The following FBXO34 variants were observed in gnomAD, a reference collection of about 807,000 sequenced individuals.
FBXO34 encodes F-box only protein 34.
A neutral mutation model predicts 24.5 loss-of-function variants in FBXO34; 12 were observed. The observed-to-expected ratio is 0.49, with a 90% confidence interval of 0.31 to 0.79. The LOEUF is 0.79. Among genes scored for constraint, FBXO34 ranks in the 30% least tolerant of loss-of-function variants. The probability of loss-of-function intolerance (pLI) is 0.04; values close to 1 mark genes in which losing one functional copy is unlikely to be tolerated. For synonymous variants in FBXO34, 320 were observed against 311.9 expected, an observed-to-expected ratio of 1.03 and a Z score of -0.27; for missense variants, 823 against 857.7, an observed-to-expected ratio of 0.96 and a Z score of 0.51.
At chr14:55,430,153 A>C in the FBXO34 span, among the ~76,000 whole-genome samples, 5 of 152,136 alleles carry the variant, frequency 3.3e-5, no homozygotes, top group African/African-American at 1.2e-4. Flanking sequence ...TGACAAAACA[A>C]AACAGTAGGT....
the FBXO34 span, chr14:55,433,774 C>T: frequency 2.6e-4 from 393 of 1,527,798 alleles, 2 homozygotes; most frequent in African/African-American, 4.5e-3. Context: ...TAACATTATC[C>T]CAGTTGAAAA....
chr14:55,393,119 C>T, the FBXO34 span, among the ~76,000 whole-genome samples: 141 of 152,214 alleles, frequency 9.3e-4, 1 homozygote, highest in African/African-American at 2.8e-3. Flanking sequence ...CGGTGGCTCA[C>T]GCCTGTAATC....
chr14:55,361,719 CT>C (rs879350525), intron 3 of FBXO34: 2 of 152,356 alleles, frequency 1.3e-5, no homozygotes, highest in Admixed American at 6.5e-5. Flanking sequence ...TTCTCTTACA[CT>C]TTTATGTTAC....
Position 55,331,701 on chromosome 14 carries a change from ATATG to A in FBXO34, c.-10-18676_-10-18673del, listed in dbSNP as rs1192389885. ...TATATATATGTGTATATATATATAT[ATATG>A]TATATATATATGTATATATATATGT... On this transcript the variant is annotated intron_variant, in intron 1 of 1. Coordinates refer to ENST00000313833, the MANE Select transcript of FBXO34 (RefSeq NM_017943.4). 2.1e-4 allele frequency among the ~76,000 whole-genome samples: 14 copies of A among 66,732 alleles called. 2 individuals are homozygous for A. The South Asian group carries it at 2.9e-3, about 14-fold the overall frequency. The allele number at this position is 66,732 out of a possible 152,430, so 43.8% of individuals were successfully genotyped here.
At chr14:55,278,791 ATCT>A (rs779000496) in intron 1 of FBXO34, among the ~76,000 whole-genome samples, 6 of 152,218 alleles carry the variant, frequency 3.9e-5, no homozygotes, top group Non-Finnish European at 7.4e-5. Flanking sequence ...GGCTCAAGTG[ATCT>A]TCTCACCTCA....
At chr14:55,391,038 G>A in the FBXO34 span, 1 of 1,322,120 alleles carries the variant, frequency 7.6e-7, no homozygotes, top group East Asian at 2.4e-5. Context: ...GTCTCTTATG[G>A]TTAATATGAT....
At chr14:55,414,646 A>C in the FBXO34 span, among the ~76,000 whole-genome samples, 1 of 152,240 alleles carries the variant, frequency 6.6e-6, no homozygotes, top group Non-Finnish European at 1.5e-5. Flanking sequence ...CAGAAACCTT[A>C]GAGCAGAGTT....
the FBXO34 span, among the ~76,000 whole-genome samples, chr14:55,426,722 A>AAAAAG: frequency 6.6e-6 from 1 of 150,550 alleles, no homozygotes; most frequent in Non-Finnish European, 1.5e-5. Flanking sequence ...TTAAAAAAAA[A>AAAAAG]AAAAGAAAAG....
intron 1 of FBXO34, among the ~76,000 whole-genome samples, chr14:55,331,699 A>ATGTG (rs1170993911): frequency 4.5e-5 from 3 of 66,696 alleles, no homozygotes; most frequent in East Asian, 7.7e-4. Context: ...ATATATATAT[A>ATGTG]TATATGTATA....
At chr14:55,442,091 G>C in the FBXO34 span, among the ~76,000 whole-genome samples, 2 of 151,082 alleles carry the variant, frequency 1.3e-5, no homozygotes, top group Middle Eastern at 3.2e-3. Flanking sequence ...TGTAAGATAC[G>C]TAAAAATGTA....
chr14:55,322,785 G>A (rs1178029352), intron 1 of FBXO34, among the ~76,000 whole-genome samples: 1 of 151,956 alleles, frequency 6.6e-6, no homozygotes, highest in Admixed American at 6.6e-5. Context: ...TAGGAAGGAG[G>A]AGTTACCCAA....
chr14:55,373,855 C>T (rs1396802789), downstream of FBXO34, among the ~76,000 whole-genome samples: 2 of 151,912 alleles, frequency 1.3e-5, no homozygotes, highest in Non-Finnish European at 1.5e-5. Flanking sequence ...TCAGTTGTGC[C>T]GGTCTGAACA....
At chr14:55,376,407 G>A in the FBXO34 span, among the ~76,000 whole-genome samples, 3 of 152,180 alleles carry the variant, frequency 2.0e-5, no homozygotes, top group Non-Finnish European at 4.4e-5. Flanking sequence ...TAATGTTCAC[G>A]TTTCCATGGC....
chr14:55,298,969 A>G (rs564618098), intron 1 of FBXO34: 2 of 1,600,600 alleles, frequency 1.2e-6, no homozygotes, highest in East Asian at 4.5e-5. Context: ...GCGGCCCACG[A>G]CAACATGGAC....
At chr14:55,425,076 A>G in the FBXO34 span, among the ~76,000 whole-genome samples, 1 of 152,258 alleles carries the variant, frequency 6.6e-6, no homozygotes, top group East Asian at 1.9e-4. Context: ...CTGCATGGAA[A>G]AGCTCCATTC....
At chr14:55,363,590 A>G (rs1884622540), downstream of FBXO34, among the ~76,000 whole-genome samples, 1 of 152,096 alleles carries the variant, frequency 6.6e-6, no homozygotes, top group African/African-American at 2.4e-5. Flanking sequence ...TCGTCTCCCA[A>G]AGTGCTGGGA....
intron 1 of FBXO34, among the ~76,000 whole-genome samples, chr14:55,276,438 TAC>T (rs1566536641): frequency 6.6e-6 from 1 of 152,246 alleles, no homozygotes; most frequent in African/African-American, 2.4e-5. Context: ...AAGTATACTT[TAC>T]ACCTAGACAT....
the FBXO34 span, among the ~76,000 whole-genome samples, chr14:55,389,681 T>C: frequency 6.6e-6 from 1 of 152,238 alleles, no homozygotes; most frequent in African/African-American, 2.4e-5. Flanking sequence ...ACATGCTCTT[T>C]GAGTCTGAAG....
At chr14:55,370,829 C>T (rs1352636233), downstream of FBXO34, among the ~76,000 whole-genome samples, 4 of 151,996 alleles carry the variant, frequency 2.6e-5, no homozygotes, top group East Asian at 1.9e-4. Context: ...TTAGTAGAGA[C>T]GGGGTTTCAC....
Sources: allele counts gnomAD v4.1 joint callset (sites outside exome capture counted in the v4.1 genomes callset), GRCh38; gene constraint gnomAD v4.1.1; transcripts MANE v1.5; gene names NCBI Gene and HGNC (gene_info 2026-07-23, HGNC 2026-07-21).